ZNF138: variants seen among roughly 807,000 people sequenced by gnomAD.
The protein encoded by ZNF138 is zinc finger protein 138 (clone pHZ-32).
Under a neutral mutation model 33.0 loss-of-function variants are expected in ZNF138, and 33 were observed. That is an observed-to-expected ratio of 1.00 (90% CI 0.76 to 1.34). ZNF138 has a LOEUF of 1.34. ZNF138 is among the 40% of genes most tolerant of loss of function. ZNF138 has a pLI of 0.00. For missense variants in ZNF138, 360 were observed against 370.8 expected, an observed-to-expected ratio of 0.97 and a Z score of 0.24; for synonymous variants, 139 against 120.4, an observed-to-expected ratio of 1.15 and a Z score of -1.01.
downstream of ZNF138, among the ~76,000 whole-genome samples, chr7:64,834,545 A>G (rs1397994120): frequency 2.6e-5 from 4 of 152,238 alleles, no homozygotes; most frequent in African/African-American, 7.2e-5. Flanking sequence ...TGAAAAGTGA[A>G]TAATGTAATT....
the ZNF138 span, chr7:64,852,905 G>C: frequency 1.9e-6 from 2 of 1,076,162 alleles, no homozygotes; most frequent in Non-Finnish European, 2.9e-6. Flanking sequence ...TGCCTCCTCA[G>C]CTGCGTCTTT....
chr7:64,804,399 T>G (rs1393569907), intron 1 of ZNF138, among the ~76,000 whole-genome samples: 2 of 152,172 alleles, frequency 1.3e-5, no homozygotes, highest in South Asian at 4.1e-4. Flanking sequence ...TTGTGAGCCC[T>G]TAAAAGGGAC....
At chr7:64,848,730 A>C in the ZNF138 span, among the ~76,000 whole-genome samples, 1 of 97,028 alleles carries the variant, frequency 1.0e-5, no homozygotes, top group Non-Finnish European at 2.1e-5. Context: ...TTTTTGAGAC[A>C]GTCTCGCTCT....
At position 64,815,990 on chromosome 7, in the gene ZNF138, A is replaced by G. The variant is rs141027907; in HGVS notation, c.208+337A>G. On this transcript the variant is annotated intron_variant, in intron 3 of 3. Coordinates refer to ENST00000307355, the MANE Select transcript of ZNF138 (RefSeq NM_001271639.2). ...ATTTTGAGAAACTCTATGTTAAACT[A>G]TATTTTAAGTTCTCTTTTTGCATCG... Among the ~76,000 whole-genome samples the G allele has an allele frequency of 3.9e-3, 597 of 151,296 alleles. 2 individuals carry two copies. The highest frequency in any genetic ancestry group is 0.014 in the African/African-American group (564 of 41,226).
At chr7:64,819,739 TCATAA>T (rs68169641) in intron 3 of ZNF138, among the ~76,000 whole-genome samples, 148,691 of 151,084 alleles carry the variant, frequency 0.98, 73,363 homozygotes, top group East Asian at 1. Flanking sequence ...TTGTAAAAAC[TCATAA>T]CATAAAATTT....
chr7:64,826,096 C>T (rs1236153801), intron 3 of ZNF138, among the ~76,000 whole-genome samples: 3 of 152,108 alleles, frequency 2.0e-5, no homozygotes, highest in African/African-American at 7.2e-5. Context: ...CTTGGCCTCC[C>T]AAAACCCTAG....
chr7:64,833,845 C>T (rs539396783), downstream of ZNF138, among the ~76,000 whole-genome samples: 2 of 152,206 alleles, frequency 1.3e-5, no homozygotes, highest in South Asian at 4.2e-4. Flanking sequence ...CTGCCTGGGC[C>T]TCCAGAATAG....
chr7:64,822,966 C>T (rs1231202487), intron 3 of ZNF138, among the ~76,000 whole-genome samples: 1 of 152,070 alleles, frequency 6.6e-6, no homozygotes, highest in African/African-American at 2.4e-5. Flanking sequence ...CTGCAACCTC[C>T]TCCTCCCTGG....
At chr7:64,813,812 T>C (rs1031074967) in intron 1 of ZNF138, among the ~76,000 whole-genome samples, 2 of 152,182 alleles carry the variant, frequency 1.3e-5, no homozygotes, top group African/African-American at 4.8e-5. Flanking sequence ...GCCGTGTTTT[T>C]CTGTGTGCAT....
rs747690933 is a variant in ZNF138, at chr7:64,832,143, T to C, written c.901T>C (p.Tyr301His). The C allele has an allele frequency of 3.1e-6, 5 of 1,612,088 alleles. No homozygotes were observed. The highest frequency in any genetic ancestry group is 4.2e-6 in the Non-Finnish European group (5 of 1,179,622). ...SPTLTKHQII[Y>H]TGEEPYKCEE... Reference sequence around the variant, plus strand: ...AACCCTTACTAAACATCAGATAATTTATACTGGAGAGGAACCATACAAATG... The same window carrying C: ...AACCCTTACTAAACATCAGATAATTCATACTGGAGAGGAACCATACAAATG... The change falls in exon 4 of 4, where the codon TAT (tyrosine) becomes CAT (histidine). Residue 301 changes from tyrosine to histidine, a missense_variant. Coordinates refer to ENST00000307355, the MANE Select transcript of ZNF138 (RefSeq NM_001271639.2).
the ZNF138 span, among the ~76,000 whole-genome samples, chr7:64,842,188 C>G: frequency 6.6e-6 from 1 of 152,156 alleles, no homozygotes; most frequent in East Asian, 1.9e-4. Context: ...CTCAGCCTCC[C>G]TAGTAGCTGG....
intron 1 of ZNF138, among the ~76,000 whole-genome samples, chr7:64,802,466 CTT>C (rs543743969): frequency 6.6e-6 from 1 of 152,060 alleles, no homozygotes; most frequent in Non-Finnish European, 1.5e-5. Context: ...CCACAAGAGA[CTT>C]TTGCAGGGCA....
At chr7:64,855,014 G>A in the ZNF138 span, among the ~76,000 whole-genome samples, 4 of 152,088 alleles carry the variant, frequency 2.6e-5, no homozygotes, top group Admixed American at 2.0e-4. Context: ...GGTAACAAAT[G>A]TCATTAGCTG....
chr7:64,840,010 T>C, the ZNF138 span, among the ~76,000 whole-genome samples: 1 of 151,814 alleles, frequency 6.6e-6, no homozygotes, highest in Non-Finnish European at 1.5e-5. Flanking sequence ...GCGGGGTCGG[T>C]TGAGTTTCGC....
At chr7:64,802,897 C>G (rs1787259272) in intron 1 of ZNF138, among the ~76,000 whole-genome samples, 1 of 151,578 alleles carries the variant, frequency 6.6e-6, no homozygotes. Flanking sequence ...TCCCCTGCCT[C>G]GTTTTGTCTT....
the ZNF138 span, among the ~76,000 whole-genome samples, chr7:64,847,332 A>ATATTTTTTTTTT: frequency 1.6e-5 from 2 of 128,140 alleles, no homozygotes; most frequent in Admixed American, 8.3e-5. Context: ...ATATATATAT[A>ATATTTTTTTTTT]TTTTTTTTTT....
intron 1 of ZNF138, among the ~76,000 whole-genome samples, chr7:64,810,198 G>A (rs1172803378): frequency 2.0e-5 from 3 of 147,768 alleles, no homozygotes; most frequent in Non-Finnish European, 4.5e-5. Context: ...GACTCCGTCT[G>A]CAATCCCGGC....
chr7:64,806,339 A>AT (rs1491235280), intron 1 of ZNF138, among the ~76,000 whole-genome samples: 2 of 152,310 alleles, frequency 1.3e-5, no homozygotes, highest in African/African-American at 4.8e-5. Flanking sequence ...GCAATCAACC[A>AT]TTTTACCTCT....
At chr7:64,827,888 T>TA (rs1789768088) in intron 3 of ZNF138, among the ~76,000 whole-genome samples, 1 of 152,198 alleles carries the variant, frequency 6.6e-6, no homozygotes. Context: ...TTATATTGTG[T>TA]ATGACAATAT....
Sources: allele counts gnomAD v4.1 joint callset (sites outside exome capture counted in the v4.1 genomes callset), GRCh38; gene constraint gnomAD v4.1.1; transcripts MANE v1.5; gene names NCBI Gene and HGNC (gene_info 2026-07-23, HGNC 2026-07-21).